The following FAM163A variants were observed in gnomAD, a reference collection of about 807,000 sequenced individuals.
The protein encoded by FAM163A is protein FAM163A.
A neutral mutation model predicts 12.0 loss-of-function variants in FAM163A; 7 were observed. The observed-to-expected ratio is 0.58, with a 90% CI of 0.33 to 1.10. The LOEUF (loss-of-function observed/expected upper bound fraction) is 1.10, where lower values mean the gene tolerates loss of function less well. Among genes scored for constraint, FAM163A ranks in the 50% least tolerant of loss-of-function variants. FAM163A has a pLI of 0.03. For synonymous variants in FAM163A, 101 were observed against 91.0 expected, an observed-to-expected ratio of 1.11 and a Z score of -0.62; for missense variants, 202 against 218.6, an observed-to-expected ratio of 0.92 and a Z score of 0.48.
At chr1:179,808,116 C>T (rs1694203070) in intron 2 of FAM163A, among the ~76,000 whole-genome samples, 1 of 152,220 alleles carries the variant, frequency 6.6e-6, no homozygotes, top group African/African-American at 2.4e-5. Context: ...GGACCTCTTT[C>T]TCCTGTCCTC....
At chr1:179,756,176 C>G (rs1324592535) in intron 1 of FAM163A, among the ~76,000 whole-genome samples, 1 of 152,162 alleles carries the variant, frequency 6.6e-6, no homozygotes, top group Admixed American at 6.5e-5. Flanking sequence ...TCTGGAACAG[C>G]AGAAGGCAGT....
chr1:179,777,583 C>G (rs1256125717), intron 1 of FAM163A, among the ~76,000 whole-genome samples: 1 of 152,202 alleles, frequency 6.6e-6, no homozygotes, highest in Non-Finnish European at 1.5e-5. Flanking sequence ...TGCCAGAAAA[C>G]TGAAGGTTTG....
At chr1:179,741,993 T>C (rs1177783406), upstream of FAM163A, 1 of 152,232 alleles carries the variant, frequency 6.6e-6, no homozygotes, top group Non-Finnish European at 1.5e-5. Context: ...CTCTTCATAT[T>C]TCATTGTTTT....
intron 1 of FAM163A, among the ~76,000 whole-genome samples, chr1:179,744,533 C>T (rs1205690483): frequency 6.6e-6 from 1 of 152,076 alleles, no homozygotes; most frequent in East Asian, 1.9e-4. Flanking sequence ...CAGATCTGTT[C>T]CCTCGGTCAG....
chr1:179,760,107 T>C (rs1052527607), intron 1 of FAM163A, among the ~76,000 whole-genome samples: 5 of 152,202 alleles, frequency 3.3e-5, no homozygotes, highest in African/African-American at 1.2e-4. Context: ...AGTTGGAAGA[T>C]GGTTATGGCG....
At chr1:179,797,252 G>A (rs1046233051) in intron 1 of FAM163A, among the ~76,000 whole-genome samples, 12 of 152,196 alleles carry the variant, frequency 7.9e-5, no homozygotes, top group African/African-American at 2.9e-4. Context: ...TTCGAGACCA[G>A]CCTGGCCAAC....
intron 1 of FAM163A, among the ~76,000 whole-genome samples, chr1:179,785,774 A>T (rs1033785572): frequency 2.6e-5 from 4 of 152,226 alleles, no homozygotes; most frequent in African/African-American, 9.6e-5. Flanking sequence ...AGTGTCATTT[A>T]CTAATACTGT....
chr1:179,814,290 G>C lies in FAM163A; in HGVS notation c.*101G>C, dbSNP rs1009957329. 1.2e-5 allele frequency: 18 copies of C among 1,447,334 alleles called. No homozygotes were observed. In the African/African-American group the frequency reaches 1.4e-4, roughly 11 times the overall value. 89.7% of individuals were successfully genotyped at this position (1,447,334 alleles called of 1,614,324 possible). ...CAACAGCCCCACATGGGTTGTTTCT[G>C]TTTCTTTGGCTTTTCTCGCTCCGCA... is the stretch of plus-strand genomic sequence containing the variant. On this transcript the variant is annotated 3_prime_UTR_variant, in exon 5 of 5. Transcript: ENST00000341785.
At chr1:179,764,375 G>A (rs1056054008) in intron 1 of FAM163A, among the ~76,000 whole-genome samples, 2 of 152,142 alleles carry the variant, frequency 1.3e-5, no homozygotes, top group Admixed American at 6.5e-5. Context: ...GCCATGATTG[G>A]GGAGTGAAGC....
chr1:179,786,448 C>T (rs11583659), intron 1 of FAM163A, among the ~76,000 whole-genome samples: 17,102 of 152,262 alleles, frequency 0.11, 1,491 homozygotes, highest in African/African-American at 0.24. Context: ...CAAAGTAAAA[C>T]GAACACAGGT....
intron 2 of FAM163A, among the ~76,000 whole-genome samples, chr1:179,811,520 G>T (rs1286793671): frequency 1.3e-5 from 2 of 152,160 alleles, no homozygotes; most frequent in Admixed American, 6.5e-5. Context: ...TAGGCCTGTG[G>T]GGGGCCTGAG....
chr1:179,761,840 T>A (rs961529470), intron 1 of FAM163A, among the ~76,000 whole-genome samples: 1 of 152,054 alleles, frequency 6.6e-6, no homozygotes, highest in African/African-American at 2.4e-5. Flanking sequence ...TTTTTTTGCA[T>A]CAGCTATTGA....
At chr1:179,771,580 T>G (rs969101562) in intron 1 of FAM163A, among the ~76,000 whole-genome samples, 1 of 152,028 alleles carries the variant, frequency 6.6e-6, no homozygotes, top group African/African-American at 2.4e-5. Flanking sequence ...CTGGGCTCTT[T>G]GCTTCCGTCT....
chr1:179,814,660 G>A lies in FAM163A; in HGVS notation c.*471G>A, dbSNP rs1695142477. 1 of 157,848 alleles carries A rather than the reference G, an allele frequency of 6.3e-6. No homozygotes were observed. The highest frequency in any genetic ancestry group is 1.9e-4 in the South Asian group (1 of 5,306). 9.8% of individuals were successfully genotyped at this position (157,848 alleles called of 1,614,324 possible). A position where few individuals can be genotyped will look rare whatever the true frequency, so the allele number is the denominator to read the frequency against. On this transcript the variant is annotated 3_prime_UTR_variant, in exon 5 of 5. Coordinates refer to ENST00000341785, the MANE Select transcript of FAM163A (RefSeq NM_173509.3). ...TACAATTCCAGCATTGGAGAAGCGA[G>A]GGGCGGGGCGTCAACGGCACTGCTT...
At chr1:179,808,965 G>A (rs964144446) in intron 2 of FAM163A, among the ~76,000 whole-genome samples, 1 of 152,206 alleles carries the variant, frequency 6.6e-6, no homozygotes, top group African/African-American at 2.4e-5. Context: ...AAATTAGCCA[G>A]CCGTGGTAGC....
chr1:179,746,751 G>A (rs1370508358), intron 1 of FAM163A, among the ~76,000 whole-genome samples: 3 of 152,144 alleles, frequency 2.0e-5, no homozygotes, highest in Non-Finnish European at 4.4e-5. Context: ...TAACATTGTG[G>A]GGTGACGTAC....
chr1:179,764,676 G>C (rs61828398), intron 1 of FAM163A, among the ~76,000 whole-genome samples: 3 of 152,014 alleles, frequency 2.0e-5, no homozygotes, highest in Non-Finnish European at 2.9e-5. Flanking sequence ...CTGCTTCAGA[G>C]AAACGGCTGT....
At chr1:179,790,752 A>G (rs10798723) in intron 1 of FAM163A, among the ~76,000 whole-genome samples, 94,970 of 152,038 alleles carry the variant, frequency 0.62, 31,560 homozygotes, top group African/African-American at 0.85. Context: ...TCCACTGTCA[A>G]GGTGGGAGAA....
intron 1 of FAM163A, among the ~76,000 whole-genome samples, chr1:179,749,704 A>AG (rs2147975634): frequency 2.2e-4 from 1 of 4,538 alleles, no homozygotes; most frequent in Non-Finnish European, 3.0e-4. Context: ...CTAAATATAC[A>AG]AAAAATTAGC....
Sources: allele counts gnomAD v4.1 joint callset (sites outside exome capture counted in the v4.1 genomes callset), GRCh38; gene constraint gnomAD v4.1.1; transcripts MANE v1.5; gene names NCBI Gene and HGNC (gene_info 2026-07-23, HGNC 2026-07-21).